CRYZL1: variants seen among roughly 807,000 people sequenced by gnomAD.
CRYZL1 encodes the protein crystallin zeta like 1.
In CRYZL1, 34 loss-of-function variants were observed where a neutral mutation model predicts 50.6. The ratio of observed to expected loss-of-function variants is 0.67; its 90% CI spans 0.51 to 0.89. The LOEUF (loss-of-function observed/expected upper bound fraction) is 0.89. Among genes scored for constraint, CRYZL1 ranks in the 40% least tolerant of loss-of-function variants. The pLI is 0.00. For missense variants in CRYZL1, 354 were observed against 402.3 expected (o/e 0.88, Z 1.03); for synonymous variants, 125 against 134.3 (o/e 0.93, Z 0.48).
intron 2 of CRYZL1, 45 bp from the exon 3 acceptor site, chr21:33,624,805 C>A: frequency 6.4e-7 from 1 of 1,571,322 alleles, no homozygotes; most frequent in South Asian, 1.2e-5. Flanking sequence ...TTACACATTC[C>A]TATGAGAATA....
chr21:33,619,548 G>T lies in CRYZL1; in HGVS notation c.217+2448C>A, dbSNP rs141541190. 9.4e-3 allele frequency among the ~76,000 whole-genome samples: 1,430 copies of T among 152,200 alleles called. 23 individuals carry two copies. Among genetic ancestry groups the T allele is most frequent in the African/African-American group, 0.032 (1,339 of 41,482 alleles). The stretch of plus-strand genomic sequence containing the variant: ...ATCTTTTATTCTGCAATATTCGAAG[G>T]ATAATTTTTTTTTCTTTTTCTTTTT... On this transcript the variant is annotated intron_variant, in intron 4 of 12. Coordinates refer to ENST00000381554, the MANE Select transcript of CRYZL1 (RefSeq NM_145858.3).
intron 4 of CRYZL1, among the ~76,000 whole-genome samples, chr21:33,620,608 C>T (rs187465494): frequency 0.016 from 2,476 of 151,138 alleles, 79 homozygotes; most frequent in Admixed American, 0.077. Context: ...GTCAGGAGTT[C>T]GAGACCAGCC....
At chr21:33,630,169 G>T (rs1166609545) in intron 2 of CRYZL1, among the ~76,000 whole-genome samples, 5 of 152,096 alleles carry the variant, frequency 3.3e-5, no homozygotes, top group African/African-American at 1.2e-4. Context: ...TTATCAAAAA[G>T]ACAACAAGTA....
intron 11 of CRYZL1, 134 bp from the exon 12 acceptor site, chr21:33,591,341 A>G: frequency 1.4e-6 from 1 of 715,764 alleles, no homozygotes; most frequent in South Asian, 1.6e-5. Context: ...ATGTTAAGTT[A>G]GAGAAATTCT....
chr21:33,609,030 G>GT (rs992598956), intron 6 of CRYZL1, among the ~76,000 whole-genome samples: 37 of 152,138 alleles, frequency 2.4e-4, no homozygotes, highest in African/African-American at 8.4e-4. Flanking sequence ...CATCTTTTTG[G>GT]TAACAGCTAT....
At chr21:33,618,723 A>T (rs1442301809) in intron 4 of CRYZL1, among the ~76,000 whole-genome samples, 1 of 152,102 alleles carries the variant, frequency 6.6e-6, no homozygotes, top group East Asian at 1.9e-4. Flanking sequence ...CTGTGCCATC[A>T]TCCCCCAATC....
At chr21:33,603,061 G>A (rs969669576) in intron 7 of CRYZL1, 2 of 217,754 alleles carry the variant, frequency 9.2e-6, no homozygotes, top group East Asian at 9.5e-5. Context: ...CTTGATCAAC[G>A]TAAGTGTGAG....
intron 1 of CRYZL1, chr21:33,641,174 CTTACAT>C: frequency 6.4e-7 from 1 of 1,550,450 alleles, no homozygotes; most frequent in South Asian, 1.2e-5. Context: ...CAAGGCGATG[CTTACAT>C]CTCGCTCCAG....
chr21:33,614,248 G>T (rs924805887), intron 5 of CRYZL1, among the ~76,000 whole-genome samples: 2 of 152,056 alleles, frequency 1.3e-5, no homozygotes, highest in African/African-American at 4.8e-5. Flanking sequence ...ACTTTGGGAG[G>T]CCAAGGCAGG....
intron 4 of CRYZL1, 66 bp downstream of exon 4, chr21:33,621,930 A>G (rs1240129713): frequency 9.5e-7 from 1 of 1,057,878 alleles, no homozygotes; most frequent in Non-Finnish European, 1.4e-6. Flanking sequence ...CCAGTAAACC[A>G]ATTAGCTACA....
chr21:33,640,202 ATAGT>A, intron 1 of CRYZL1: 1 of 1,547,910 alleles, frequency 6.5e-7, no homozygotes, highest in Non-Finnish European at 8.7e-7. Flanking sequence ...CAAAAAGAGC[ATAGT>A]TAATCTTAGA....
chr21:33,633,984 T>C (rs1428222266), intron 1 of CRYZL1, among the ~76,000 whole-genome samples: 1 of 152,214 alleles, frequency 6.6e-6, no homozygotes. Context: ...TTACAGAGTG[T>C]AGTTGAGCAA....
At chr21:33,616,007 T>C (rs913061829) in intron 5 of CRYZL1, among the ~76,000 whole-genome samples, 1 of 152,300 alleles carries the variant, frequency 6.6e-6, no homozygotes, top group South Asian at 2.1e-4. Flanking sequence ...TGTATACATA[T>C]GCCATGCTGG....
Position 33,624,676 on chromosome 21 carries a change from C to A in CRYZL1, c.144+7G>T. On this transcript the variant is annotated splice_region_variant and intron_variant, in intron 3 of 12. Coordinates refer to ENST00000381554, the MANE Select transcript of CRYZL1 (RefSeq NM_145858.3). Reference sequence around the variant, plus strand: ...TTTACTTTGTGCCATAATAAAAGAACCAATACCTTTGTATTTATCTGGCTC... The same window carrying A: ...TTTACTTTGTGCCATAATAAAAGAAACAATACCTTTGTATTTATCTGGCTC... 6.2e-7 allele frequency: 1 copy of A among 1,607,656 alleles called. No individual in the cohort carries two copies.
Position 33,604,605 on chromosome 21 carries a change from T to C in CRYZL1, c.332-1068A>G, listed in dbSNP as rs144188029. Among the ~76,000 whole-genome samples, 20 of 152,346 alleles carry C rather than the reference T, an allele frequency of 1.3e-4. No individual in the cohort carries two copies. In the East Asian group the frequency reaches 3.7e-3, roughly 28 times the overall value. On this transcript the variant is annotated intron_variant, in intron 6 of 12. Transcript: ENST00000381554. ...AATGGAATCATACCATATGCATTCTTTTCTACCTTGCTTTTTATGTTCCAT... is the reference window on the plus strand; with the variant it reads ...AATGGAATCATACCATATGCATTCTCTTCTACCTTGCTTTTTATGTTCCAT...
intron 10 of CRYZL1, 27 bp from the exon 11 acceptor site, chr21:33,595,863 T>C: frequency 1.4e-6 from 2 of 1,466,614 alleles, no homozygotes; most frequent in African/African-American, 2.8e-5. Context: ...CAAAGACTAA[T>C]CAATTATTGT....
Position 33,631,474 on chromosome 21 carries a change from A to T in CRYZL1, c.66+12T>A, listed in dbSNP as rs750403473. 3 of 1,496,620 alleles carry T rather than the reference A, an allele frequency of 2.0e-6. No homozygotes were observed. The South Asian group carries it at 4.0e-5, about 20-fold the overall frequency. 92.7% of individuals were successfully genotyped at this position (1,496,620 alleles called of 1,614,324 possible). ...ACACTAACTACTTTAATGATTAAAC[A>T]TTTTTTCTTACCTTTTCTTGAAATA... On this transcript the variant is annotated intron_variant, in intron 2 of 12. Coordinates refer to ENST00000381554, the MANE Select transcript of CRYZL1 (RefSeq NM_145858.3).
At chr21:33,632,598 G>C (rs1427580141) in intron 1 of CRYZL1, among the ~76,000 whole-genome samples, 2 of 151,872 alleles carry the variant, frequency 1.3e-5, no homozygotes, top group East Asian at 3.9e-4. Context: ...GGCTGGTCTC[G>C]AACTCCTGAT....
chr21:33,590,352 G>A (rs1020397707), intron 12 of CRYZL1, among the ~76,000 whole-genome samples: 6 of 151,610 alleles, frequency 4.0e-5, no homozygotes, highest in African/African-American at 9.7e-5. Context: ...AAACAAATTC[G>A]TCCATTAGTG....
Sources: gnomAD v4.1 joint callset for allele counts (sites outside exome capture counted in the v4.1 genomes callset) on GRCh38, gnomAD v4.1.1 for gene constraint, MANE v1.5 for transcripts, NCBI Gene and HGNC (gene_info 2026-07-23, HGNC 2026-07-21) for gene names.